The following GAR1 variants were observed in gnomAD, a reference collection of about 807,000 sequenced individuals.
The protein encoded by GAR1 is H/ACA ribonucleoprotein complex subunit 1.
Under a neutral mutation model 29.3 loss-of-function variants are expected in GAR1, and 11 were observed. The ratio of observed to expected loss-of-function variants is 0.38; its 90% CI spans 0.24 to 0.62. The LOEUF (loss-of-function observed/expected upper bound fraction) is 0.62, where lower values mean the gene tolerates loss of function less well. Ranked by LOEUF, GAR1 falls within the 20% of genes least tolerant of loss-of-function variation. The pLI is 0.62. For synonymous variants in GAR1, 87 were observed against 93.3 expected (o/e 0.93, Z 0.39); for missense variants, 237 against 268.4 (o/e 0.88, Z 0.82).
chr4:109,815,655 G>A, upstream of GAR1: 1 of 135,726 alleles, frequency 7.4e-6, no homozygotes, highest in Admixed American at 6.4e-5. Flanking sequence ...GCGGGTGATT[G>A]GCTTTTTTTT....
chr4:109,822,254 C>G (rs543355557), intron 4 of GAR1, 93 bp from the exon 5 acceptor site: 1 of 709,874 alleles, frequency 1.4e-6, no homozygotes, highest in East Asian at 3.2e-5. Flanking sequence ...GGGGTTTGAA[C>G]CCAGGCAGTT....
At chr4:109,821,231 T>C (rs1042334060) in intron 4 of GAR1, among the ~76,000 whole-genome samples, 3 of 152,220 alleles carry the variant, frequency 2.0e-5, no homozygotes, top group African/African-American at 7.2e-5. Flanking sequence ...GCACGTGAAG[T>C]GTGGCTCATG....
rs977206709 is a variant in GAR1, at chr4:109,816,193, G to T, written c.29G>T (p.Gly10Val). MSFRGGGRG[G>V]FNRGGGGGGF... ...TCTTTTCGAGGCGGAGGTCGTGGAG[G>T]CTTTAATCGAGGTGGTGGAGGTGGC... Residue 10 changes from glycine (G) to valine (V), a missense_variant, in exon 2 of 7, where the codon GGC becomes GTC. Transcript: ENST00000226796. 1.2e-6 allele frequency: 2 copies of T among 1,612,556 alleles called. No individual in the cohort carries two copies. Among genetic ancestry groups the T allele is most frequent in the Non-Finnish European group, 1.7e-6 (2 of 1,179,952 alleles).
Position 109,818,078 on chromosome 4 carries a change from A to G in GAR1, c.357A>G (p.Gln119=). The change falls in exon 3 of 7, where the codon CAA becomes CAG. Residue 119 remains glutamine (Q), a synonymous_variant. Transcript: ENST00000226796. ...QIGKVDEIFG[Q]LRDFYFSVKL... Reference sequence around the variant, plus strand: ...GAAAAGTGGATGAAATATTTGGACAACTCAGAGATTTTGTATCCTTTTTCA... The same window carrying G: ...GAAAAGTGGATGAAATATTTGGACAGCTCAGAGATTTTGTATCCTTTTTCA... The G allele has an allele frequency of 6.3e-7, 1 of 1,599,284 alleles. No individual in the cohort carries two copies. The highest frequency in any genetic ancestry group is 8.5e-7 in the Non-Finnish European group (1 of 1,175,120).
At chr4:109,817,450 G>A (rs113131970) in intron 2 of GAR1, among the ~76,000 whole-genome samples, 2 of 151,870 alleles carry the variant, frequency 1.3e-5, no homozygotes, top group African/African-American at 4.8e-5. Context: ...TAGTGGGAAT[G>A]GAAAAGTTCT....
chr4:109,817,639 C>G (rs1470564325), intron 2 of GAR1, among the ~76,000 whole-genome samples: 1 of 152,182 alleles, frequency 6.6e-6, no homozygotes, highest in African/African-American at 2.4e-5. Context: ...ATTTGTTATT[C>G]CATTGAGTGC....
At chr4:109,815,911 T>C (rs746560728) in intron 1 of GAR1, 107 bp downstream of exon 1, 2 of 544,764 alleles carry the variant, frequency 3.7e-6, no homozygotes, top group African/African-American at 3.9e-5. Flanking sequence ...TTGCTGTCTG[T>C]AGGGGGAGGA....
intron 4 of GAR1, among the ~76,000 whole-genome samples, chr4:109,820,187 G>A (rs1733475454): frequency 6.6e-6 from 1 of 152,116 alleles, no homozygotes; most frequent in African/African-American, 2.4e-5. Flanking sequence ...GATACAGGAA[G>A]TAGAATCAAT....
In GAR1 at chr4:109,821,658, A is replaced by G. The variant is rs566303925; in HGVS notation, c.430-689A>G. ...TTGAATTTTAATGCTGTGTTTTTTAATAGTTTTATTTTTCTTACGGCAGTT... is the reference window on the plus strand; with the variant it reads ...TTGAATTTTAATGCTGTGTTTTTTAGTAGTTTTATTTTTCTTACGGCAGTT... On this transcript the variant is annotated intron_variant, in intron 4 of 6. Transcript: ENST00000226796. 5.9e-5 allele frequency among the ~76,000 whole-genome samples: 9 copies of G among 152,304 alleles called. No individual in the cohort carries two copies. The South Asian group carries it at 1.9e-3, about 32-fold the overall frequency.
chr4:109,819,091 T>A, intron 4 of GAR1, 31 bp downstream of exon 4: 1 of 1,208,784 alleles, frequency 8.3e-7, no homozygotes, highest in Non-Finnish European at 1.2e-6. Context: ...TTGGGATCCT[T>A]GGTTTTATAA....
At chr4:109,823,420 C>T (rs1733571633) in intron 5 of GAR1, among the ~76,000 whole-genome samples, 1 of 152,048 alleles carries the variant, frequency 6.6e-6, no homozygotes, top group South Asian at 2.1e-4. Context: ...CAGAGATTCC[C>T]CTATTCTCAT....
At chr4:109,819,369 G>A (rs946993305) in intron 4 of GAR1, 3 of 346,876 alleles carry the variant, frequency 8.6e-6, no homozygotes, top group Non-Finnish European at 1.6e-5. Flanking sequence ...ATTCTAGGTA[G>A]AATCTTAATT....
chr4:109,816,268 G>T lies in GAR1; in HGVS notation c.104G>T (p.Gly35Val), dbSNP rs758077461. The T allele has an allele frequency of 6.2e-7, 1 of 1,610,670 alleles. No individual in the cohort carries two copies. The highest frequency in any genetic ancestry group is 8.5e-7 in the Non-Finnish European group (1 of 1,178,356). Residue 35 changes from glycine (G) to valine (V), a missense_variant, in exon 2 of 7, where the codon GGT becomes GTT. Gly to Val is a moderately radical substitution (Grantham distance 109, BLOSUM62 -3). Coordinates refer to ENST00000226796, the MANE Select transcript of GAR1 (RefSeq NM_018983.4). ...AACCACTTCCGAGGTGGAGGCGGCG[G>T]TGGAGGCGGCGGCAATTTCAGAGGC... is the stretch of plus-strand genomic sequence containing the variant. The part of the protein sequence containing the change: ...SSNHFRGGGG[G>V]GGGGNFRGGG...
chr4:109,816,000 C>A, intron 1 of GAR1, 153 bp from the exon 2 acceptor site: 2 of 744,680 alleles, frequency 2.7e-6, no homozygotes, highest in East Asian at 4.9e-5. Context: ...ACTCTTCACC[C>A]ATCAGGTTGG....
Position 109,822,479 on chromosome 4 carries a change from G to A in GAR1, c.562G>A (p.Gly188Ser), listed in dbSNP as rs1405416414. The A allele has an allele frequency of 3.7e-6, 6 of 1,600,976 alleles. No individual in the cohort carries two copies. Among genetic ancestry groups the A allele is most frequent in the South Asian group, 1.1e-5 (1 of 89,258 alleles). ...GGRGGGGRGG[G>S]RGGGFRGGRG... The stretch of plus-strand genomic sequence containing the variant: ...AAGAGGAGGAGGTGGCAGAGGTGGT[G>A]GCAGAGGCGGTAAGTTACTTGGGGA... Residue 188 changes from glycine (G) to serine (S), a missense_variant, in exon 5 of 7, where the codon GGC (glycine) becomes AGC (serine). Coordinates refer to ENST00000226796, the MANE Select transcript of GAR1 (RefSeq NM_018983.4).
intron 5 of GAR1, 121 bp downstream of exon 5, chr4:109,822,609 T>C: frequency 1.0e-6 from 1 of 987,696 alleles, no homozygotes; most frequent in South Asian, 2.3e-5. Flanking sequence ...TTAAAGCTGC[T>C]TTCCAATATT....
chr4:109,823,918 ATTG>A (rs781221648), intron 5 of GAR1, 44 bp from the exon 6 acceptor site: 5 of 1,200,764 alleles, frequency 4.2e-6, no homozygotes, highest in African/African-American at 1.5e-5. Flanking sequence ...ATTATATTCT[ATTG>A]TTATTTAAAT....
chr4:109,824,287 G>T, intron 6 of GAR1, 131 bp from the exon 7 acceptor site: 2 of 662,898 alleles, frequency 3.0e-6, no homozygotes, highest in Non-Finnish European at 2.7e-6. Context: ...ATGAATGACA[G>T]TTAAATTTGG....
chr4:109,824,362 A>G, intron 6 of GAR1, 56 bp from the exon 7 acceptor site: 2 of 1,168,210 alleles, frequency 1.7e-6, no homozygotes, highest in South Asian at 2.5e-5. Context: ...TTAGGTTATA[A>G]TACTATTAAA....
Sources: allele counts gnomAD v4.1 joint callset (sites outside exome capture counted in the v4.1 genomes callset), GRCh38; gene constraint gnomAD v4.1.1; transcripts MANE v1.5; gene names NCBI Gene and HGNC (gene_info 2026-07-23, HGNC 2026-07-21).